The following ANXA10 variants were observed in gnomAD, a reference collection of about 807,000 sequenced individuals.
ANXA10 encodes the protein annexin A10, also known as annexin 14.
A neutral mutation model predicts 53.5 loss-of-function variants in ANXA10; 49 were observed. The ratio of observed to expected loss-of-function variants is 0.92; its 90% confidence interval spans 0.73 to 1.16. The LOEUF (loss-of-function observed/expected upper bound fraction) is 1.16, where lower values mean the gene tolerates loss of function less well. Ranked by LOEUF, ANXA10 falls within the 50% of genes most tolerant of loss-of-function variation. The probability of loss-of-function intolerance (pLI) is 0.00; values close to 1 mark genes in which losing one functional copy is unlikely to be tolerated. For synonymous variants in ANXA10, 131 were observed against 128.9 expected (o/e 1.02, Z -0.11); for missense variants, 393 against 394.4 (o/e 1.00, Z 0.03).
intron 2 of ANXA10, among the ~76,000 whole-genome samples, chr4:168,138,766 C>A (rs1731279917): frequency 6.6e-6 from 1 of 152,130 alleles, no homozygotes; most frequent in African/African-American, 2.4e-5. Flanking sequence ...TCTATGATTT[C>A]TTTCAAGTGT....
At chr4:168,120,900 T>C (rs1372925756) in intron 1 of ANXA10, among the ~76,000 whole-genome samples, 1 of 152,102 alleles carries the variant, frequency 6.6e-6, no homozygotes, top group Non-Finnish European at 1.5e-5. Flanking sequence ...TTATCCCAAA[T>C]TGCATTTAGT....
At chr4:168,117,090 A>G (rs1304558283) in intron 1 of ANXA10, among the ~76,000 whole-genome samples, 1 of 152,120 alleles carries the variant, frequency 6.6e-6, no homozygotes. Flanking sequence ...CAAATCCATC[A>G]TAAAATAATA....
intron 2 of ANXA10, among the ~76,000 whole-genome samples, chr4:168,130,517 A>G (rs1731140532): frequency 6.6e-6 from 1 of 152,038 alleles, no homozygotes; most frequent in Non-Finnish European, 1.5e-5. Context: ...CTATGCTTCT[A>G]ATTTCTGAAG....
intron 6 of ANXA10, among the ~76,000 whole-genome samples, chr4:168,165,790 C>T (rs1731867840): frequency 6.6e-6 from 1 of 152,118 alleles, no homozygotes; most frequent in Non-Finnish European, 1.5e-5. Context: ...GATTTTCCTG[C>T]CTCAGCCTCC....
At chr4:168,122,559 A>C (rs921023002) in intron 1 of ANXA10, among the ~76,000 whole-genome samples, 1 of 152,196 alleles carries the variant, frequency 6.6e-6, no homozygotes, top group South Asian at 2.1e-4. Flanking sequence ...TAAGGAAAAG[A>C]GGTTTAATTG....
intron 1 of ANXA10, among the ~76,000 whole-genome samples, chr4:168,112,281 G>C (rs999542086): frequency 6.6e-6 from 1 of 152,078 alleles, no homozygotes; most frequent in African/African-American, 2.4e-5. Context: ...CTCTGCAGCA[G>C]AGCAAGACTC....
At chr4:168,153,669 G>A (rs897962464) in intron 3 of ANXA10, among the ~76,000 whole-genome samples, 2 of 151,958 alleles carry the variant, frequency 1.3e-5, no homozygotes, top group African/African-American at 2.4e-5. Context: ...TATATTGAAT[G>A]CCTATAATAT....
In ANXA10 at chr4:168,132,704, A is replaced by G. The variant is rs148134235; in HGVS notation, c.100+4539A>G. Among the ~76,000 whole-genome samples the G allele has an allele frequency of 3.3e-5, 5 of 152,204 alleles. No individual in the cohort carries two copies. The East Asian group carries it at 7.7e-4, about 24-fold the overall frequency. On this transcript the variant is annotated intron_variant, in intron 2 of 11. Coordinates refer to ENST00000359299, the MANE Select transcript of ANXA10 (RefSeq NM_007193.5). ...ATTCTTCATGATGTGCTTATTTCATATTGCATGCCTATATAAAAACATCTT... is the reference window on the plus strand; with the variant it reads ...ATTCTTCATGATGTGCTTATTTCATGTTGCATGCCTATATAAAAACATCTT...
chr4:168,095,098 C>T (rs1730519246), intron 1 of ANXA10, among the ~76,000 whole-genome samples: 1 of 151,988 alleles, frequency 6.6e-6, no homozygotes, highest in Admixed American at 6.6e-5. Context: ...ATACAGTGTA[C>T]TTGCCCAAGT....
intron 10 of ANXA10, among the ~76,000 whole-genome samples, chr4:168,184,248 G>A (rs2072030985): frequency 3.3e-5 from 5 of 152,160 alleles, no homozygotes; most frequent in Admixed American, 3.3e-4. Context: ...AGGCTAGAAA[G>A]GGGGAGCAAC....
chr4:168,120,891 T>C (rs1340018725), intron 1 of ANXA10, among the ~76,000 whole-genome samples: 1 of 152,126 alleles, frequency 6.6e-6, no homozygotes, highest in Non-Finnish European at 1.5e-5. Flanking sequence ...AAGTAGTATT[T>C]ATCCCAAATT....
At position 168,121,217 on chromosome 4, in the gene ANXA10, A is replaced by C. The variant is rs149638811; in HGVS notation, c.19-6867A>C. On this transcript the variant is annotated intron_variant, in intron 1 of 11. Transcript: ENST00000359299. ...CATATGTCTTTTATACTCACCAAAAAACACACACACACACATTCTAACAAG... is the reference window on the plus strand; with the variant it reads ...CATATGTCTTTTATACTCACCAAAACACACACACACACACATTCTAACAAG... Among the ~76,000 whole-genome samples the C allele has an allele frequency of 6.6e-3, 1,006 of 151,802 alleles. 8 individuals carry two copies. Among genetic ancestry groups the C allele is most frequent in the African/African-American group, 0.023 (962 of 41,482 alleles).
At chr4:168,107,643 G>A (rs867444584) in intron 1 of ANXA10, among the ~76,000 whole-genome samples, 2 of 152,152 alleles carry the variant, frequency 1.3e-5, no homozygotes, top group African/African-American at 2.4e-5. Context: ...CAGTTCTGGA[G>A]GCTGGAAAGT....
At chr4:168,179,375 C>A in intron 9 of ANXA10, 63 bp downstream of exon 9, 2 of 1,145,246 alleles carry the variant, frequency 1.7e-6, no homozygotes, top group South Asian at 2.7e-5. Context: ...CTGAGTGGCT[C>A]TGATTGAACT....
intron 2 of ANXA10, among the ~76,000 whole-genome samples, chr4:168,138,679 T>C (rs1008912097): frequency 1.3e-5 from 2 of 152,204 alleles, no homozygotes; most frequent in Non-Finnish European, 2.9e-5. Context: ...TAAATTGCTT[T>C]GGATAGTATG....
At position 168,176,838 on chromosome 4, in the gene ANXA10, G is replaced by GA. The variant is rs796584936; in HGVS notation, c.481-890dup. On this transcript the variant is annotated intron_variant, in intron 6 of 11. Coordinates refer to ENST00000359299, the MANE Select transcript of ANXA10 (RefSeq NM_007193.5). ...CAACATGGCGAGATCCTCTTTTTGA[G>GA]AAAAAAAAAAAATTAGCCACGCATA... Among the ~76,000 whole-genome samples the GA allele has an allele frequency of 5.1e-3, 731 of 143,806 alleles. 5 individuals carry two copies. The highest frequency in any genetic ancestry group is 5.6e-3 in the Non-Finnish European group (366 of 65,312). 94.3% of individuals were successfully genotyped at this position (143,806 alleles called of 152,430 possible).
intron 1 of ANXA10, among the ~76,000 whole-genome samples, chr4:168,093,289 AT>A (rs1730489357): frequency 6.8e-6 from 1 of 147,488 alleles, no homozygotes; most frequent in Non-Finnish European, 1.5e-5. Context: ...TTTTTGAATA[AT>A]TTTCTGTTGA....
chr4:168,108,467 A>T (rs1221973735), intron 1 of ANXA10, among the ~76,000 whole-genome samples: 1 of 152,154 alleles, frequency 6.6e-6, no homozygotes, highest in Non-Finnish European at 1.5e-5. Context: ...CTTTGGGACC[A>T]TTATAGGTTT....
chr4:168,148,712 T>C (rs1731445773), intron 3 of ANXA10, among the ~76,000 whole-genome samples: 1 of 152,192 alleles, frequency 6.6e-6, no homozygotes, highest in Admixed American at 6.5e-5. Context: ...TGATTCTTAA[T>C]TTATTTGTAC....
Sources: allele counts gnomAD v4.1 joint callset (sites outside exome capture counted in the v4.1 genomes callset), GRCh38; gene constraint gnomAD v4.1.1; transcripts MANE v1.5; gene names NCBI Gene and HGNC (gene_info 2026-07-23, HGNC 2026-07-21).